Variants in CD6 observed in about 807,000 individuals in gnomAD.
CD6 encodes CD6 molecule, also known as T-cell differentiation antigen CD6.
A neutral mutation model predicts 75.3 loss-of-function variants in CD6; 53 were observed. The observed-to-expected ratio is 0.70, with a 90% CI of 0.56 to 0.88. CD6 has a LOEUF of 0.88. Among genes scored for constraint, CD6 ranks in the 40% least tolerant of loss-of-function variants. The pLI is 0.00. For synonymous variants in CD6, 359 were observed against 381.5 expected, an observed-to-expected ratio of 0.94 and a Z score of 0.69; for missense variants, 770 against 897.1, an observed-to-expected ratio of 0.86 and a Z score of 1.81.
In CD6 at chr11:61,019,270, G is replaced by T; in HGVS notation, c.1959G>T (p.Gln653His). Residue 653 changes from glutamine (Q) to histidine (H), a missense_variant, in exon 13 of 13, where the codon CAG (glutamine) becomes CAT (histidine). Transcript: ENST00000313421. ...QFGCPGSPSP[Q>H]PDSTDNDDYD... is the part of the protein sequence containing the mutation. ...TGCCCACAGGGTCCCCCAGCCCTCA[G>T]CCTGACTCCACCGACAACGATGACT... The T allele has an allele frequency of 6.2e-7, 1 of 1,611,318 alleles. No individual in the cohort carries two copies.
intron 7 of CD6, 137 bp downstream of exon 7, chr11:61,013,700 C>A: frequency 2.1e-6 from 2 of 955,786 alleles, no homozygotes; most frequent in Non-Finnish European, 3.2e-6. Context: ...AAAGGATTTT[C>A]CCAGCATGCC....
At chr11:60,974,537 G>A (rs571294248) in intron 1 of CD6, among the ~76,000 whole-genome samples, 2 of 152,290 alleles carry the variant, frequency 1.3e-5, no homozygotes, top group South Asian at 2.1e-4. Flanking sequence ...GAGCCACCGC[G>A]CCCAGCCTCC....
At chr11:60,980,508 GAA>G (rs57870162) in intron 1 of CD6, among the ~76,000 whole-genome samples, 3 of 148,530 alleles carry the variant, frequency 2.0e-5, no homozygotes, top group African/African-American at 4.9e-5. Flanking sequence ...TCTCAAAAAA[GAA>G]AAAAAAAAGT....
At chr11:61,018,578 C>T in intron 12 of CD6, 185 bp downstream of exon 12, 1 of 576,670 alleles carries the variant, frequency 1.7e-6, no homozygotes. Context: ...CCTGTAATCC[C>T]AGCACAAGGC....
intron 5 of CD6, 49 bp from the exon 6 acceptor site, chr11:61,011,018 CAGT>C (rs1219864221): frequency 2.2e-5 from 33 of 1,519,494 alleles, no homozygotes; most frequent in Non-Finnish European, 3.7e-6. Context: ...GCCTGGCACA[CAGT>C]AGGTGCTCAG....
chr11:61,018,121 C>CA, intron 11 of CD6, 108 bp downstream of exon 11: 1 of 1,418,938 alleles, frequency 7.0e-7, no homozygotes, highest in South Asian at 1.3e-5. Context: ...CCCAGTTCCG[C>CA]AGCCATTCGC....
At chr11:60,992,332 C>CTT (rs35718014) in intron 1 of CD6, among the ~76,000 whole-genome samples, 61 of 146,128 alleles carry the variant, frequency 4.2e-4, no homozygotes, top group East Asian at 7.9e-4. Flanking sequence ...GCTTGTGAGG[C>CTT]TTTTTTTTTT....
intron 1 of CD6, among the ~76,000 whole-genome samples, chr11:60,994,457 C>CAAAAAAAAAAAA (rs61349237): frequency 0.057 from 3,017 of 52,560 alleles, 253 homozygotes; most frequent in Middle Eastern, 0.088. Flanking sequence ...ACACCCCCGC[C>CAAAAAAAAAAAA]AAAAAAAAAA....
chr11:60,981,798 A>G (rs544910338), intron 1 of CD6, among the ~76,000 whole-genome samples: 1 of 152,276 alleles, frequency 6.6e-6, no homozygotes, highest in South Asian at 2.1e-4. Context: ...GAGAGAGGCC[A>G]GGAGGCAGGA....
At chr11:61,010,944 C>A in intron 5 of CD6, 126 bp from the exon 6 acceptor site, 1 of 801,478 alleles carries the variant, frequency 1.2e-6, no homozygotes, top group Non-Finnish European at 2.1e-6. Flanking sequence ...AGCCACGTGT[C>A]CCTGATGGGA....
intron 1 of CD6, among the ~76,000 whole-genome samples, chr11:60,972,871 A>G (rs1488653828): frequency 6.6e-6 from 1 of 152,022 alleles, no homozygotes; most frequent in African/African-American, 2.4e-5. Context: ...CTCTGCCTTG[A>G]TCTCCAGGCA....
rs574591390 is a variant in CD6, at chr11:60,971,839, G to T, written c.-27G>T. 1.2e-5 allele frequency: 19 copies of T among 1,612,250 alleles called. No homozygotes were observed. The highest frequency in any genetic ancestry group is 1.5e-5 in the Non-Finnish European group (18 of 1,179,270). ...GATGGTGCTTCCCACAGGCAGCCAC[G>T]CGTAGCAGCCAGAGACAGCTCCAGA... On this transcript the variant is annotated 5_prime_UTR_variant, in exon 1 of 13. Transcript: ENST00000313421.
rs1460174669 is a variant in CD6, at chr11:61,018,638, C to A, written c.1942+245C>A. 6 of 517,222 alleles carry A rather than the reference C, an allele frequency of 1.2e-5. 1 individual carries two copies. Among genetic ancestry groups the A allele is most frequent in the Middle Eastern group, 1.0e-3 (2 of 1,952 alleles). The allele number at this position is 517,222 out of a possible 1,614,324, so 32.0% of individuals were successfully genotyped here. On this transcript the variant is annotated intron_variant, in intron 12 of 12. Transcript: ENST00000313421. ...TTTACGACTAGCCCCGGGAACATAGCAAGACCAGTCTCTACAAAACTAAAA... is the reference window on the plus strand; with the variant it reads ...TTTACGACTAGCCCCGGGAACATAGAAAGACCAGTCTCTACAAAACTAAAA...
In CD6 at chr11:61,017,753, C is replaced by T; in HGVS notation, c.1583-6C>T. The T allele has an allele frequency of 6.2e-7, 1 of 1,614,026 alleles. No individual in the cohort carries two copies. Among genetic ancestry groups the T allele is most frequent in the African/African-American group, 1.3e-5 (1 of 75,020 alleles). ...TTTCGTCACCATTCTCCCTTTCCTG[C>T]CTTAGGACTTGAAGAGTTGCATGCC... On this transcript the variant is annotated splice_polypyrimidine_tract_variant and splice_region_variant and intron_variant, in intron 10 of 12. Transcript: ENST00000313421.
At chr11:60,975,851 C>T (rs1438273854) in intron 1 of CD6, among the ~76,000 whole-genome samples, 3 of 152,118 alleles carry the variant, frequency 2.0e-5, no homozygotes, top group Admixed American at 2.0e-4. Flanking sequence ...AAATTACATG[C>T]GTAACTTGCA....
chr11:60,975,582 C>T (rs1857333643), intron 1 of CD6, among the ~76,000 whole-genome samples: 1 of 152,172 alleles, frequency 6.6e-6, no homozygotes, highest in Admixed American at 6.5e-5. Flanking sequence ...AGGAAGATCG[C>T]TTGAACCTAG....
chr11:61,001,798 C>T (rs1858598417), intron 1 of CD6, among the ~76,000 whole-genome samples: 2 of 152,144 alleles, frequency 1.3e-5, no homozygotes, highest in African/African-American at 4.8e-5. Context: ...AACGGAGATG[C>T]AGGGCCTTTG....
chr11:60,986,532 A>C (rs1309411724), intron 1 of CD6, among the ~76,000 whole-genome samples: 1 of 152,184 alleles, frequency 6.6e-6, no homozygotes, highest in Non-Finnish European at 1.5e-5. Flanking sequence ...TCTCTATGGA[A>C]CTTTTAGTCA....
At chr11:61,012,802 G>A (rs1859210010) in intron 6 of CD6, among the ~76,000 whole-genome samples, 1 of 152,200 alleles carries the variant, frequency 6.6e-6, no homozygotes, top group Non-Finnish European at 1.5e-5. Context: ...CCGTCCTCAT[G>A]GAGGGGATGT....
Sources: allele counts gnomAD v4.1 joint callset (sites outside exome capture counted in the v4.1 genomes callset), GRCh38; gene constraint gnomAD v4.1.1; transcripts MANE v1.5; gene names NCBI Gene and HGNC (gene_info 2026-07-23, HGNC 2026-07-21).